Variants in CMYA5 observed in about 807,000 individuals in gnomAD.
CMYA5 encodes the protein cardiomyopathy associated 5.
A neutral mutation model predicts 318.9 loss-of-function variants in CMYA5; 246 were observed. The ratio of observed to expected loss-of-function variants is 0.77; its 90% CI spans 0.70 to 0.86. The LOEUF (loss-of-function observed/expected upper bound fraction) is 0.86. CMYA5 is among the 40% of genes least tolerant of loss of function. The pLI, the probability that CMYA5 is intolerant of heterozygous loss-of-function variation, is 0.00. For missense variants in CMYA5, 4,589 were observed against 4,678.2 expected (o/e 0.98, Z 0.56); for synonymous variants, 1,641 against 1,729.5 (o/e 0.95, Z 1.27).
chr5:79,706,046 C>G (rs1288286446), intron 1 of CMYA5, among the ~76,000 whole-genome samples: 1 of 152,208 alleles, frequency 6.6e-6, no homozygotes, highest in Admixed American at 6.5e-5. Flanking sequence ...AGGGCTCTTT[C>G]TTTGTTCCCA....
At position 79,731,717 on chromosome 5, in the gene CMYA5, C is replaced by A. The variant is rs746260482; in HGVS notation, c.2952C>A (p.His984Gln). Residue 984 changes from histidine (H) to glutamine (Q), a missense_variant, in exon 2 of 13, where the codon CAC (histidine) becomes CAA (glutamine). By Grantham distance (24) the His-to-Gln change is conservative. Coordinates refer to ENST00000446378, the MANE Select transcript of CMYA5 (RefSeq NM_153610.5). ...SPICLTSPSE[H>Q]TILSDEDTEE... ...TATGTTTAACATCACCATCTGAGCACACTATTTTGTCAGATGAAGACACTG... is the reference window on the plus strand; with the variant it reads ...TATGTTTAACATCACCATCTGAGCAAACTATTTTGTCAGATGAAGACACTG... 6.2e-6 allele frequency: 10 copies of A among 1,613,912 alleles called. No homozygotes were observed. In the South Asian group the frequency reaches 1.1e-4, roughly 18 times the overall value.
At chr5:79,691,522 C>T (rs149041930) in intron 1 of CMYA5, among the ~76,000 whole-genome samples, 2 of 152,268 alleles carry the variant, frequency 1.3e-5, no homozygotes, top group Admixed American at 6.5e-5. Context: ...GTTCTGACTA[C>T]AGACAGTAAG....
chr5:79,722,583 T>A (rs779203725), intron 1 of CMYA5, among the ~76,000 whole-genome samples: 4 of 145,582 alleles, frequency 2.7e-5, no homozygotes, highest in Non-Finnish European at 6.0e-5. Context: ...GAGGCTGAGG[T>A]GAAAGAATTG....
chr5:79,776,629 T>C (rs1471429360), intron 9 of CMYA5, among the ~76,000 whole-genome samples: 1 of 152,154 alleles, frequency 6.6e-6, no homozygotes, highest in East Asian at 1.9e-4. Flanking sequence ...GAAGATCTAA[T>C]ATGCCCAGGC....
intron 5 of CMYA5, among the ~76,000 whole-genome samples, chr5:79,750,254 T>A (rs900714157): frequency 3.3e-5 from 5 of 149,886 alleles, no homozygotes; most frequent in African/African-American, 9.8e-5. Flanking sequence ...ACTTAAGGTA[T>A]TAATAAATAC....
In CMYA5 at chr5:79,793,443, G is replaced by T. The variant is rs563480117; in HGVS notation, c.11796G>T (p.Pro3932=). 2 of 1,610,872 alleles carry T rather than the reference G, an allele frequency of 1.2e-6. No homozygotes were observed. Among genetic ancestry groups the T allele is most frequent in the Admixed American group, 3.3e-5 (2 of 59,954 alleles). ...FGERRRLTEI[P]SVLGEELPSC... is the part of the protein sequence containing the mutation. ...TGATTGACTTCACCCACAGAATCCC[G>T]TCAGTGCTGGGTGAGGAGCTGCCTT... is the stretch of plus-strand genomic sequence containing the variant. Residue 3932 remains proline (P), a synonymous_variant, in exon 12 of 13, where the codon CCG becomes CCT. Transcript: ENST00000446378.
In CMYA5 at chr5:79,731,417, C is replaced by T. The variant is rs117512841; in HGVS notation, c.2652C>T (p.Asp884=). The T allele has an allele frequency of 3.3e-5, 53 of 1,613,482 alleles. No individual in the cohort carries two copies. In the East Asian group the frequency reaches 5.6e-4, roughly 17 times the overall value. ...CATCTGAATATGTTGTTCTATCAGA[C>T]GAAGAGGCAGTCGAGTTGGAACGAT... ...ATPSEYVVLS[D]EEAVELERYT... is the part of the protein sequence containing the mutation. The change falls in exon 2 of 13, where the codon GAC becomes GAT. Residue 884 remains aspartate (D), a synonymous_variant. Transcript: ENST00000446378.
At chr5:79,775,379 A>C (rs1561227629) in intron 9 of CMYA5, among the ~76,000 whole-genome samples, 1 of 152,180 alleles carries the variant, frequency 6.6e-6, no homozygotes, top group Admixed American at 6.5e-5. Flanking sequence ...GTTGTCCACA[A>C]TGAAAGACCC....
At chr5:79,750,010 ATTTT>A (rs11440578) in intron 5 of CMYA5, among the ~76,000 whole-genome samples, 6 of 146,502 alleles carry the variant, frequency 4.1e-5, no homozygotes, top group Admixed American at 6.9e-5. Context: ...GTTTTTGCCT[ATTTT>A]TTTTTTTTTT....
chr5:79,789,005 G>A lies in CMYA5; in HGVS notation c.11590G>A (p.Val3864Ile), dbSNP rs1829127598. 1 of 1,613,788 alleles carries A rather than the reference G, an allele frequency of 6.2e-7. No homozygotes were observed. Among genetic ancestry groups the A allele is most frequent in the South Asian group, 1.1e-5 (1 of 91,082 alleles). Residue 3864 changes from valine (V) to isoleucine (I), a missense_variant, in exon 10 of 13, where the codon GTT (valine) becomes ATT (isoleucine). This residue lies in a region of CMYA5 where 2,431 missense variants were observed against 2,495.1 expected (regional missense o/e 0.97). Transcript: ENST00000446378. Reference protein sequence around the residue: ...FSGIKGLQLKVNLQPNDNYFF... With the variant: ...FSGIKGLQLKINLQPNDNYFF... ...TGGAATCAAAGGACTCCAGCTGAAA[G>A]TTAACCTCCAACCCAATGATAACTA...
At chr5:79,713,183 C>T (rs1827432027) in intron 1 of CMYA5, among the ~76,000 whole-genome samples, 1 of 152,154 alleles carries the variant, frequency 6.6e-6, no homozygotes, top group South Asian at 2.1e-4. Context: ...TATCTGAAGA[C>T]ATTTTTTATT....
intron 6 of CMYA5, among the ~76,000 whole-genome samples, chr5:79,757,152 A>G (rs891638015): frequency 1.9e-4 from 28 of 147,214 alleles, no homozygotes; most frequent in Admixed American, 1.3e-3. Context: ...CTGAGATTGC[A>G]CCACTGCACT....
chr5:79,775,162 G>A (rs540629595), intron 9 of CMYA5, among the ~76,000 whole-genome samples: 17 of 152,320 alleles, frequency 1.1e-4, no homozygotes, highest in Admixed American at 7.2e-4. Flanking sequence ...CTTTGGGAGA[G>A]GGAGTTATGA....
At chr5:79,750,269 C>G (rs1005082618) in intron 5 of CMYA5, among the ~76,000 whole-genome samples, 6 of 152,252 alleles carry the variant, frequency 3.9e-5, no homozygotes, top group East Asian at 1.9e-4. Context: ...AAATACAGTA[C>G]AGTACTGTAA....
At chr5:79,713,262 C>T (rs1827434730) in intron 1 of CMYA5, among the ~76,000 whole-genome samples, 1 of 151,978 alleles carries the variant, frequency 6.6e-6, no homozygotes, top group Non-Finnish European at 1.5e-5. Context: ...TAAACATTCT[C>T]AGCACACAGG....
intron 1 of CMYA5, among the ~76,000 whole-genome samples, chr5:79,709,167 A>G (rs1366292146): frequency 6.6e-6 from 1 of 152,128 alleles, no homozygotes; most frequent in Non-Finnish European, 1.5e-5. Flanking sequence ...TCTCGTACAC[A>G]CTACTGATAG....
chr5:79,790,910 C>A, intron 10 of CMYA5, 60 bp from the exon 11 acceptor site: 2 of 1,138,714 alleles, frequency 1.8e-6, no homozygotes, highest in Non-Finnish European at 2.6e-6. Context: ...TGGGGCTTAG[C>A]CTAGGGACAG....
chr5:79,731,891 T>A lies in CMYA5; in HGVS notation c.3126T>A (p.Asp1042Glu). Residue 1042 changes from aspartate to glutamate, a missense_variant, in exon 2 of 13, where the codon GAT (aspartate) becomes GAA (glutamate). Physicochemically the swap from Asp to Glu is conservative, Grantham distance 45. Around this residue, in one of 3 missense-constraint regions of CMYA5, gnomAD observed 2,132 missense variants for 2,131.3 expected, o/e 1.00. Transcript: ENST00000446378. Reference sequence around the variant, plus strand: ...GTTATTCCTGCTTTTCAGAAGCAGATGAGGAAGACATTGGATCCACAGCTG... The same window carrying A: ...GTTATTCCTGCTTTTCAGAAGCAGAAGAGGAAGACATTGGATCCACAGCTG... ...ASGYSCFSEA[D>E]EEDIGSTAAT... The A allele has an allele frequency of 3.7e-6, 6 of 1,613,508 alleles. No individual in the cohort carries two copies. Among genetic ancestry groups the A allele is most frequent in the Non-Finnish European group, 5.1e-6 (6 of 1,179,764 alleles).
chr5:79,761,316 G>T (rs1464015682), intron 7 of CMYA5, among the ~76,000 whole-genome samples: 1 of 152,300 alleles, frequency 6.6e-6, no homozygotes, highest in East Asian at 1.9e-4. Flanking sequence ...TGGAATTCAT[G>T]AGAAGAAACC....
Sources: gnomAD v4.1 joint callset for allele counts (sites outside exome capture counted in the v4.1 genomes callset) on GRCh38, gnomAD v4.1.1 for gene constraint, gnomAD v4.1.1 regional missense constraint, MANE v1.5 for transcripts, NCBI Gene and HGNC (gene_info 2026-07-23, HGNC 2026-07-21) for gene names.